CLRN1: variants seen among roughly 807,000 people sequenced by gnomAD.
CLRN1 encodes clarin 1, also known as clarin-1.
CLRN1 carries 15 observed loss-of-function variants against 18.7 expected under a neutral mutation model. The observed-to-expected ratio is 0.80, with a 90% CI of 0.54 to 1.23. The LOEUF (loss-of-function observed/expected upper bound fraction) is 1.23. CLRN1 is among the 50% of genes most tolerant of loss of function. The pLI is 0.00. For missense variants in CLRN1, 311 were observed against 277.5 expected, an observed-to-expected ratio of 1.12 and a Z score of -0.86; for synonymous variants, 104 against 102.9, an observed-to-expected ratio of 1.01 and a Z score of -0.07.
chr3:150,948,308 C>G (rs1020996442), intron 1 of CLRN1, among the ~76,000 whole-genome samples: 1 of 151,728 alleles, frequency 6.6e-6, no homozygotes, highest in Non-Finnish European at 1.5e-5. Flanking sequence ...CACGGTGAAA[C>G]CCCGTCTCTA....
At chr3:150,928,550 G>A (rs892687505) in intron 2 of CLRN1, among the ~76,000 whole-genome samples, 6 of 152,156 alleles carry the variant, frequency 3.9e-5, no homozygotes, top group Non-Finnish European at 8.8e-5. Context: ...CATAATGGTG[G>A]AATCAGGCTA....
intron 2 of CLRN1, among the ~76,000 whole-genome samples, chr3:150,941,138 G>GTCTGTCTA (rs373144676): frequency 1.1e-4 from 16 of 141,536 alleles, no homozygotes; most frequent in East Asian, 6.3e-4. Context: ...CTGTCTGTCT[G>GTCTGTCTA]TCTATCTATC....
intron 1 of CLRN1, among the ~76,000 whole-genome samples, chr3:150,947,827 G>C (rs1006194213): frequency 3.3e-5 from 5 of 152,102 alleles, no homozygotes; most frequent in Non-Finnish European, 5.9e-5. Flanking sequence ...AATTAAGACA[G>C]AAATCAAGAA....
intron 1 of CLRN1, among the ~76,000 whole-genome samples, chr3:150,969,099 A>G (rs1280784238): frequency 6.6e-6 from 1 of 150,512 alleles, no homozygotes; most frequent in African/African-American, 2.5e-5. Flanking sequence ...TAGATTTCCA[A>G]GACAGCGTCA....
At chr3:150,970,069 G>A (rs1284933176) in intron 1 of CLRN1, among the ~76,000 whole-genome samples, 1 of 152,168 alleles carries the variant, frequency 6.6e-6, no homozygotes, top group African/African-American at 2.4e-5. Flanking sequence ...GAAATGAATT[G>A]TGCACTAATT....
chr3:150,938,724 T>G (rs1713630954), intron 2 of CLRN1, among the ~76,000 whole-genome samples: 1 of 152,192 alleles, frequency 6.6e-6, no homozygotes, highest in Admixed American at 6.5e-5. Context: ...TTCCCTTCCT[T>G]TCTCCCCTTC....
intron 1 of CLRN1, among the ~76,000 whole-genome samples, chr3:150,951,863 G>A (rs1714499563): frequency 6.6e-6 from 1 of 152,122 alleles, no homozygotes; most frequent in African/African-American, 2.4e-5. Flanking sequence ...TCACTATACA[G>A]TACCAAGGGG....
At chr3:150,947,320 C>T (rs1046313764) in intron 1 of CLRN1, among the ~76,000 whole-genome samples, 3 of 152,052 alleles carry the variant, frequency 2.0e-5, no homozygotes, top group African/African-American at 4.8e-5. Flanking sequence ...AAGGGCGTTA[C>T]ATAATGGTAA....
intron 1 of CLRN1, among the ~76,000 whole-genome samples, chr3:150,970,819 T>C (rs1715496270): frequency 1.3e-5 from 2 of 152,126 alleles, no homozygotes; most frequent in Non-Finnish European, 2.9e-5. Flanking sequence ...TAGAACAACT[T>C]CATCCTTAGA....
intron 2 of CLRN1, among the ~76,000 whole-genome samples, chr3:150,928,557 G>T (rs907165138): frequency 3.9e-5 from 6 of 152,152 alleles, no homozygotes; most frequent in African/African-American, 1.4e-4. Flanking sequence ...GTGGAATCAG[G>T]CTACAAAGCA....
At chr3:150,930,677 A>G (rs773391980) in intron 2 of CLRN1, among the ~76,000 whole-genome samples, 1 of 152,150 alleles carries the variant, frequency 6.6e-6, no homozygotes, top group Non-Finnish European at 1.5e-5. Flanking sequence ...TTGTGGAGAA[A>G]ATGCCATTCC....
intron 1 of CLRN1, among the ~76,000 whole-genome samples, chr3:150,970,193 T>C (rs1715464789): frequency 6.6e-6 from 1 of 152,238 alleles, no homozygotes; most frequent in African/African-American, 2.4e-5. Flanking sequence ...GATCTTTTAT[T>C]CATTTATATG....
At chr3:150,935,340 C>T (rs575187612) in intron 2 of CLRN1, among the ~76,000 whole-genome samples, 363 of 143,680 alleles carry the variant, frequency 2.5e-3, no homozygotes, top group African/African-American at 7.8e-3. Flanking sequence ...TTCCCCTTCC[C>T]GTGTCCATGT....
chr3:150,946,836 C>T (rs1196551300), intron 1 of CLRN1, among the ~76,000 whole-genome samples: 2 of 149,664 alleles, frequency 1.3e-5, no homozygotes, highest in African/African-American at 2.5e-5. Flanking sequence ...CATGCTGGTG[C>T]GCTGCACCCA....
intron 2 of CLRN1, among the ~76,000 whole-genome samples, chr3:150,935,695 T>C (rs1363849238): frequency 2.6e-5 from 4 of 151,678 alleles, no homozygotes; most frequent in Non-Finnish European, 4.4e-5. Flanking sequence ...GTATTTCTAG[T>C]TCTAGATCCC....
intron 1 of CLRN1, among the ~76,000 whole-genome samples, chr3:150,960,630 C>T (rs935874827): frequency 6.6e-6 from 1 of 152,174 alleles, no homozygotes; most frequent in Non-Finnish European, 1.5e-5. Context: ...TTCTATTTCC[C>T]TTGTGCAATT....
At chr3:150,958,065 C>T (rs981664692) in intron 1 of CLRN1, among the ~76,000 whole-genome samples, 2 of 152,160 alleles carry the variant, frequency 1.3e-5, no homozygotes, top group Non-Finnish European at 2.9e-5. Flanking sequence ...CTGCCTCTAC[C>T]TCAGGCCTCT....
intron 1 of CLRN1, among the ~76,000 whole-genome samples, chr3:150,957,018 T>C (rs1399327090): frequency 6.6e-6 from 1 of 152,146 alleles, no homozygotes; most frequent in Non-Finnish European, 1.5e-5. Flanking sequence ...ATCTACACCT[T>C]CTTTGTGGTG....
At chr3:150,955,813 A>C (rs375564610) in intron 1 of CLRN1, among the ~76,000 whole-genome samples, 1 of 152,204 alleles carries the variant, frequency 6.6e-6, no homozygotes, top group East Asian at 1.9e-4. Context: ...CCCAAAGCCC[A>C]ACTGTCTATG....
Sources: gnomAD v4.1 joint callset for allele counts (sites outside exome capture counted in the v4.1 genomes callset) on GRCh38, gnomAD v4.1.1 for gene constraint, MANE v1.5 for transcripts, NCBI Gene and HGNC (gene_info 2026-07-23, HGNC 2026-07-21) for gene names.